Variants in STK33 observed in about 807,000 individuals in gnomAD.
The protein encoded by STK33 is serine/threonine-protein kinase 33.
In STK33, 52 loss-of-function variants were observed where a neutral mutation model predicts 58.0. The ratio of observed to expected loss-of-function variants is 0.90; its 90% CI spans 0.72 to 1.13. The LOEUF is 1.13. Among genes scored for constraint, STK33 ranks in the 50% most tolerant of loss-of-function variants. The pLI, the probability that STK33 is intolerant of heterozygous loss-of-function variation, is 0.00. For missense variants in STK33, 630 were observed against 604.2 expected, an observed-to-expected ratio of 1.04 and a Z score of -0.45; for synonymous variants, 215 against 200.1, an observed-to-expected ratio of 1.07 and a Z score of -0.63.
the STK33 span, among the ~76,000 whole-genome samples, chr11:8,360,539 T>TCATAA: frequency 2.6e-5 from 4 of 152,268 alleles, no homozygotes; most frequent in African/African-American, 9.6e-5. Context: ...GTCCACAGTC[T>TCATAA]GTAGGTCAGA....
chr11:8,527,543 A>C (rs1311127825), intron 1 of STK33, among the ~76,000 whole-genome samples: 1 of 152,144 alleles, frequency 6.6e-6, no homozygotes, highest in Admixed American at 6.5e-5. Context: ...GGTGGAAGAC[A>C]TAAGTAGGCA....
At position 8,392,634 on chromosome 11, in the gene STK33, C is replaced by A. The variant is rs1294850286; in HGVS notation, c.1421G>T (p.Ser474Ile). 6.2e-7 allele frequency: 1 copy of A among 1,614,168 alleles called. No individual in the cohort carries two copies. The highest frequency in any genetic ancestry group is 1.7e-5 in the Admixed American group (1 of 60,020). The stretch of plus-strand genomic sequence containing the variant: ...CTTGATTTCAGCTGGAAGGAGTTTG[C>A]TAGATGTGAAACTTGAACTGCACAT... ...FDMCSSSFTS[S>I]KLLPAEIKGE... The change falls in exon 16 of 16, where the codon AGC (serine) becomes ATC (isoleucine). Residue 474 changes from serine (S) to isoleucine (I), a missense_variant. Coordinates refer to ENST00000687296, the MANE Select transcript of STK33 (RefSeq NM_001352389.2).
At chr11:8,521,055 A>C (rs7925277) in intron 1 of STK33, among the ~76,000 whole-genome samples, 3,167 of 150,362 alleles carry the variant, frequency 0.021, 119 homozygotes, top group African/African-American at 0.074. Context: ...AAAATTATTT[A>C]TAATTTATAA....
At chr11:8,419,682 A>C (rs1447406689) in intron 14 of STK33, among the ~76,000 whole-genome samples, 6 of 152,158 alleles carry the variant, frequency 3.9e-5, no homozygotes, top group Non-Finnish European at 1.5e-5. Context: ...CAGTATGGTC[A>C]TTTTAATGAT....
chr11:8,384,087 C>A, the STK33 span, among the ~76,000 whole-genome samples: 1 of 152,152 alleles, frequency 6.6e-6, no homozygotes, highest in African/African-American at 2.4e-5. Flanking sequence ...AGTGAAGGCA[C>A]AAGCTGTTCC....
chr11:8,537,015 C>G (rs1361644285), intron 1 of STK33, among the ~76,000 whole-genome samples: 6 of 100,610 alleles, frequency 6.0e-5, no homozygotes, highest in African/African-American at 2.4e-4. Context: ...GAGTTTCACT[C>G]TGTCACCCAG....
chr11:8,553,199 G>GATATATATATATA (rs1565347544), intron 1 of STK33, among the ~76,000 whole-genome samples: 6 of 60,978 alleles, frequency 9.8e-5, no homozygotes, highest in East Asian at 4.9e-4. Flanking sequence ...TATATATATG[G>GATATATATATATA]TGTATATATA....
intron 1 of STK33, among the ~76,000 whole-genome samples, chr11:8,501,761 C>T (rs1293466765): frequency 6.6e-6 from 1 of 152,042 alleles, no homozygotes; most frequent in African/African-American, 2.4e-5. Context: ...TTCATAATAG[C>T]CAAAAAGTTG....
At chr11:8,479,305 C>A (rs1565143293) in intron 2 of STK33, among the ~76,000 whole-genome samples, 1 of 151,886 alleles carries the variant, frequency 6.6e-6, no homozygotes. Flanking sequence ...TGGTGGCATG[C>A]ACCTGTAATC....
chr11:8,523,553 A>G (rs75581651), intron 1 of STK33, among the ~76,000 whole-genome samples: 39,973 of 145,396 alleles, frequency 0.27, 5,418 homozygotes, highest in African/African-American at 0.35. Flanking sequence ...GAGCCCCTCC[A>G]CCCGGCAGCC....
downstream of STK33, among the ~76,000 whole-genome samples, chr11:8,388,022 C>T (rs1039107600): frequency 6.6e-6 from 1 of 152,242 alleles, no homozygotes; most frequent in African/African-American, 2.4e-5. Context: ...GGATCTAGTT[C>T]GGAGAGGAAC....
intron 1 of STK33, among the ~76,000 whole-genome samples, chr11:8,503,961 A>C (rs1282956276): frequency 6.6e-6 from 1 of 152,252 alleles, no homozygotes; most frequent in East Asian, 1.9e-4. Flanking sequence ...AACAAACATC[A>C]AATGGAACAC....
chr11:8,549,435 GT>G (rs1956159137), intron 1 of STK33, among the ~76,000 whole-genome samples: 1 of 151,172 alleles, frequency 6.6e-6, no homozygotes, highest in Admixed American at 6.6e-5. Context: ...GTAGTTTTCT[GT>G]TTTTGTTTTT....
intron 14 of STK33, among the ~76,000 whole-genome samples, chr11:8,415,140 A>G (rs1045416758): frequency 1.3e-5 from 2 of 152,076 alleles, no homozygotes; most frequent in Admixed American, 6.6e-5. Context: ...AAAATCAGTG[A>G]CCAGGGTCCT....
At chr11:8,559,093 A>T (rs2140897698) in intron 1 of STK33, among the ~76,000 whole-genome samples, 1 of 152,308 alleles carries the variant, frequency 6.6e-6, no homozygotes, top group East Asian at 1.9e-4. Flanking sequence ...CCTCCATGAA[A>T]CTACAACCTC....
rs747532115 is a variant in STK33 at position 8,464,828 on chromosome 11, G to GAAAA, written c.340-10_340-7dup. 13 of 1,143,724 alleles carry GAAAA rather than the reference G, an allele frequency of 1.1e-5. No homozygotes were observed. Among genetic ancestry groups the GAAAA allele is most frequent in the African/African-American group, 1.8e-5 (1 of 55,090 alleles). 70.8% of individuals were successfully genotyped at this position (1,143,724 alleles called of 1,614,324 possible). A position where few individuals can be genotyped will look rare whatever the true frequency, so the allele number is the denominator to read the frequency against. On this transcript the variant is annotated splice_region_variant and splice_polypyrimidine_tract_variant and intron_variant, in intron 6 of 15. Transcript: ENST00000687296. ...CTTCCAAAGGTATAGATTTCCTGGA[G>GAAAA]AAAAAAAAAAAAAGAGTTGTCTCTC...
chr11:8,406,169 AT>A (rs1939163501), intron 15 of STK33, among the ~76,000 whole-genome samples: 1 of 148,088 alleles, frequency 6.8e-6, no homozygotes, highest in Non-Finnish European at 1.5e-5. Flanking sequence ...AAAAAAAAAA[AT>A]CAACTGACTG....
the STK33 span, among the ~76,000 whole-genome samples, chr11:8,369,188 G>A: frequency 3.2e-4 from 49 of 152,300 alleles, no homozygotes; most frequent in Non-Finnish European, 5.4e-4. Flanking sequence ...CAAGAGGCAG[G>A]TGTTTTGAAG....
At chr11:8,377,159 A>G in the STK33 span, among the ~76,000 whole-genome samples, 2 of 152,220 alleles carry the variant, frequency 1.3e-5, no homozygotes, top group African/African-American at 4.8e-5. Flanking sequence ...AGCAAAAACT[A>G]GAAGCTAGAG....
Sources: allele counts gnomAD v4.1 joint callset (sites outside exome capture counted in the v4.1 genomes callset), GRCh38; gene constraint gnomAD v4.1.1; transcripts MANE v1.5; gene names NCBI Gene and HGNC (gene_info 2026-07-23, HGNC 2026-07-21).